PCDHGA5: variants seen among roughly 807,000 people sequenced by gnomAD.
PCDHGA5 encodes the protein protocadherin gamma-A5.
A neutral mutation model predicts 56.7 loss-of-function variants in PCDHGA5; 36 were observed. The observed-to-expected ratio is 0.64, with a 90% CI of 0.49 to 0.84. The LOEUF (loss-of-function observed/expected upper bound fraction) is 0.84, where lower values mean the gene tolerates loss of function less well. Among genes scored for constraint, PCDHGA5 ranks in the 40% least tolerant of loss-of-function variants. The pLI, the probability that PCDHGA5 is intolerant of heterozygous loss-of-function variation, is 0.00. For missense variants in PCDHGA5, 1,305 were observed against 1,201.5 expected, an observed-to-expected ratio of 1.09 and a Z score of -1.27; for synonymous variants, 563 against 520.2, an observed-to-expected ratio of 1.08 and a Z score of -1.12.
chr5:141,388,396 A>C, intron 1 of PCDHGA5: 2 of 1,614,014 alleles, frequency 1.2e-6, no homozygotes, highest in Non-Finnish European at 1.7e-6. Flanking sequence ...CAGAATTACC[A>C]ACTCAGTCCC....
In PCDHGA5 at chr5:141,432,487, G is replaced by A; in HGVS notation, c.2422-62320G>A. On this transcript the variant is annotated intron_variant, in intron 1 of 3. Coordinates refer to ENST00000518069, the MANE Select transcript of PCDHGA5 (RefSeq NM_018918.3). This position sits in a 1 kb window ranked among gnomAD's most constrained non-coding sequence, Gnocchi z 6.0. ...CCACGGACGGTTCCACTGGCGTGGA[G>A]CTGGCTCCCCGCTCCGCAGAGCCCG... 1.2e-6 allele frequency: 2 copies of A among 1,614,208 alleles called. No homozygotes were observed. The highest frequency in any genetic ancestry group is 2.2e-5 in the East Asian group (1 of 44,874).
At chr5:141,470,252 C>T (rs1010559144) in intron 1 of PCDHGA5, among the ~76,000 whole-genome samples, 3 of 152,160 alleles carry the variant, frequency 2.0e-5, no homozygotes, top group Admixed American at 1.3e-4. Context: ...TCCCACCTGT[C>T]TAAATGGAGA....
At chr5:141,509,096 T>C (rs1364889034) in intron 3 of PCDHGA5, among the ~76,000 whole-genome samples, 1 of 152,124 alleles carries the variant, frequency 6.6e-6, no homozygotes, top group African/African-American at 2.4e-5. Context: ...ATGGGGGCTG[T>C]AGAAACCTGA....
At chr5:141,430,682 C>A (rs2097302907) in intron 1 of PCDHGA5, 1 of 1,361,564 alleles carries the variant, frequency 7.3e-7, no homozygotes, top group South Asian at 1.7e-5. Flanking sequence ...CCAACTGTCC[C>A]ATTCTATGGG....
chr5:141,399,807 C>T, intron 1 of PCDHGA5: 1 of 1,613,222 alleles, frequency 6.2e-7, no homozygotes, highest in Non-Finnish European at 8.5e-7. Context: ...GGGTGCTGTA[C>T]CCCGCGCTGG....
intron 1 of PCDHGA5, chr5:141,427,003 T>C: frequency 2.2e-6 from 1 of 456,764 alleles, no homozygotes; most frequent in South Asian, 1.5e-5. Flanking sequence ...GCCCCAGTTT[T>C]TAGCCAGGAT....
At chr5:141,418,145 T>G in intron 1 of PCDHGA5, 4 of 1,614,052 alleles carry the variant, frequency 2.5e-6, no homozygotes, top group Non-Finnish European at 3.4e-6. Flanking sequence ...TGAGCAAATA[T>G]GCAAAGAGAG....
chr5:141,394,472 G>C, intron 1 of PCDHGA5: 2 of 1,614,242 alleles, frequency 1.2e-6, no homozygotes, highest in East Asian at 2.2e-5. Flanking sequence ...TGTTCGTGCT[G>C]GACCAGAATG....
intron 1 of PCDHGA5, chr5:141,409,039 C>G: frequency 1.9e-6 from 3 of 1,614,004 alleles, no homozygotes; most frequent in Non-Finnish European, 1.7e-6. Flanking sequence ...AGATAAACTA[C>G]TACTTCCGAA....
Position 141,364,808 on chromosome 5 carries a change from G to A in PCDHGA5, c.478G>A (p.Ala160Thr), listed in dbSNP as rs1235589231. The A allele has an allele frequency of 1.2e-6, 2 of 1,614,026 alleles. No individual in the cohort carries two copies. The highest frequency in any genetic ancestry group is 2.2e-5 in the East Asian group (1 of 44,886). Residue 160 changes from alanine to threonine, a missense_variant, in exon 1 of 4, where the codon GCG (alanine) becomes ACG (threonine). Physicochemically the swap from Ala to Thr is moderately conservative, Grantham distance 58. Transcript: ENST00000518069. The stretch of plus-strand genomic sequence containing the variant: ...GTTAGTGCTTCCCTTCGCGCGGGAT[G>A]CGGATGTGGGTGTGAACTCTCTCCG... ...TRLVLPFARDADVGVNSLRSY... is the reference protein window; with the variant it reads ...TRLVLPFARDTDVGVNSLRSY...
chr5:141,432,196 C>G lies in PCDHGA5; in HGVS notation c.2422-62611C>G, dbSNP rs200790843. ...TCGTCTCTGTGACCGCCCACGACCC[C>G]GACTGTGAAGAGAACGCCCAGATCA... On this transcript the variant is annotated intron_variant, in intron 1 of 3. Transcript: ENST00000518069. The surrounding 1 kb of genome is among the most constrained non-coding windows in gnomAD (Gnocchi z 6.0). The G allele has an allele frequency of 6.2e-7, 1 of 1,614,192 alleles. No individual in the cohort carries two copies. Among genetic ancestry groups the G allele is most frequent in the East Asian group, 2.2e-5 (1 of 44,880 alleles).
chr5:141,407,676 T>C (rs990367714), intron 1 of PCDHGA5, among the ~76,000 whole-genome samples: 1 of 152,162 alleles, frequency 6.6e-6, no homozygotes, highest in African/African-American at 2.4e-5. Flanking sequence ...TAAACAAAGA[T>C]TGGCTTTGTG....
At chr5:141,410,560 A>C (rs769354927) in intron 1 of PCDHGA5, 42 of 1,612,824 alleles carry the variant, frequency 2.6e-5, no homozygotes, top group Non-Finnish European at 3.5e-5. Context: ...TTTCTCCTGG[A>C]GCCTTAATTC....
At chr5:141,394,552 G>C (rs368792885) in intron 1 of PCDHGA5, 1 of 1,614,070 alleles carries the variant, frequency 6.2e-7, no homozygotes, top group Non-Finnish European at 8.5e-7. Flanking sequence ...CTGGCGCCCC[G>C]CTCCGCAGAG....
Position 141,494,803 on chromosome 5 carries a change from A to G in PCDHGA5, c.2422-4A>G. On this transcript the variant is annotated splice_polypyrimidine_tract_variant and splice_region_variant and intron_variant, in intron 1 of 3. Transcript: ENST00000518069. ...CAGCCCCTTTCCCTCTGTTTTCTCC[A>G]CAGCAAGCCCCGCCCAACACGGACT... The G allele has an allele frequency of 6.2e-7, 1 of 1,613,646 alleles. No individual in the cohort carries two copies. Among genetic ancestry groups the G allele is most frequent in the Non-Finnish European group, 8.5e-7 (1 of 1,179,900 alleles).
intron 2 of PCDHGA5, 164 bp downstream of exon 2, chr5:141,495,029 G>A: frequency 2.1e-6 from 2 of 968,864 alleles, no homozygotes; most frequent in Non-Finnish European, 2.5e-6. Flanking sequence ...ACAGACCCCG[G>A]AAGGAAGAGG....
intron 2 of PCDHGA5, among the ~76,000 whole-genome samples, chr5:141,500,020 T>A (rs905529317): frequency 6.6e-6 from 1 of 151,918 alleles, no homozygotes; most frequent in Non-Finnish European, 1.5e-5. Flanking sequence ...ACATTTTATA[T>A]TTGAGTGAGT....
rs778365263 is a variant in PCDHGA5 at position 141,366,328 on chromosome 5, C to T, written c.1998C>T (p.Asp666=). ...ATFTVTVAVA[D]RIPDILADLG... is the part of the protein sequence containing the mutation. Reference sequence around the variant, plus strand: ...TCACGGTCACCGTTGCCGTGGCCGACAGGATCCCTGACATCCTGGCTGACC... The same window carrying T: ...TCACGGTCACCGTTGCCGTGGCCGATAGGATCCCTGACATCCTGGCTGACC... The change falls in exon 1 of 4, where the codon GAC becomes GAT. Residue 666 remains aspartate, a synonymous_variant. Transcript: ENST00000518069. 6.2e-7 allele frequency: 1 copy of T among 1,613,870 alleles called. No homozygotes were observed. Among genetic ancestry groups the T allele is most frequent in the Non-Finnish European group, 8.5e-7 (1 of 1,180,014 alleles).
chr5:141,432,133 C>T lies in PCDHGA5; in HGVS notation c.2422-62674C>T, dbSNP rs1468632362. The stretch of plus-strand genomic sequence containing the variant: ...CGGTCTTCCCTCAGGCCTCCTATTC[C>T]GCTTATATCCCAGAGAACAATCCCA... On this transcript the variant is annotated intron_variant, in intron 1 of 3. Transcript: ENST00000518069. This position sits in a 1 kb window ranked among gnomAD's most constrained non-coding sequence, Gnocchi z 6.0. 9 of 1,614,142 alleles carry T rather than the reference C, an allele frequency of 5.6e-6. No homozygotes were observed. The highest frequency in any genetic ancestry group is 1.6e-4 in the Middle Eastern group (1 of 6,062).
Sources: gnomAD v4.1 joint callset for allele counts (sites outside exome capture counted in the v4.1 genomes callset) on GRCh38, gnomAD v4.1.1 for gene constraint, Gnocchi (gnomAD v3.1) non-coding constraint, MANE v1.5 for transcripts, NCBI Gene and HGNC (gene_info 2026-07-23, HGNC 2026-07-21) for gene names.